PCLO: variants seen among roughly 807,000 people sequenced by gnomAD.
The protein encoded by PCLO is protein piccolo.
A neutral mutation model predicts 427.5 loss-of-function variants in PCLO; 82 were observed. The observed-to-expected ratio is 0.19, with a 90% confidence interval of 0.16 to 0.23. The LOEUF is 0.23. Ranked by LOEUF, PCLO falls within the 10% of genes least tolerant of loss-of-function variation. The pLI is 1.00. For synonymous variants in PCLO, 2,357 were observed against 2,155.4 expected (o/e 1.09, Z -2.59); for missense variants, 6,239 against 6,115.9 (o/e 1.02, Z -0.67).
At chr7:83,143,358 A>G (rs1186992842) in intron 2 of PCLO, among the ~76,000 whole-genome samples, 1 of 152,190 alleles carries the variant, frequency 6.6e-6, no homozygotes, top group Non-Finnish European at 1.5e-5. Context: ...AAAACTAGAC[A>G]CTAGCATTCC....
chr7:82,812,299 T>C (rs1023171566), intron 20 of PCLO, among the ~76,000 whole-genome samples: 7 of 151,538 alleles, frequency 4.6e-5, no homozygotes, highest in Non-Finnish European at 7.4e-5. Flanking sequence ...ATGTAACAAA[T>C]GAAAATGAAG....
At chr7:82,860,890 T>C (rs989953775) in intron 10 of PCLO, among the ~76,000 whole-genome samples, 3 of 152,026 alleles carry the variant, frequency 2.0e-5, no homozygotes, top group African/African-American at 4.8e-5. Context: ...TAAGTTATTA[T>C]CAGGTTAAAA....
At chr7:82,995,039 A>AGTG (rs1796464807) in intron 3 of PCLO, among the ~76,000 whole-genome samples, 1 of 152,028 alleles carries the variant, frequency 6.6e-6, no homozygotes, top group African/African-American at 2.4e-5. Context: ...TAGGCTATGA[A>AGTG]GTGATGATGC....
intron 3 of PCLO, among the ~76,000 whole-genome samples, chr7:83,048,356 G>A (rs776693689): frequency 6.6e-6 from 1 of 151,942 alleles, no homozygotes; most frequent in African/African-American, 2.4e-5. Flanking sequence ...ACAGTACTTT[G>A]AAGGCCAGAT....
intron 3 of PCLO, among the ~76,000 whole-genome samples, chr7:82,994,634 T>C (rs1562905577): frequency 6.6e-6 from 1 of 151,798 alleles, no homozygotes; most frequent in African/African-American, 2.4e-5. Flanking sequence ...TATATATTTA[T>C]GGGGTATATG....
intron 3 of PCLO, among the ~76,000 whole-genome samples, chr7:83,055,050 C>T (rs978073345): frequency 4.6e-5 from 7 of 152,036 alleles, no homozygotes; most frequent in Admixed American, 3.9e-4. Flanking sequence ...CAGAAAATCT[C>T]CTGAAGGATT....
At chr7:83,029,079 A>G (rs1257041717) in intron 3 of PCLO, among the ~76,000 whole-genome samples, 2 of 152,108 alleles carry the variant, frequency 1.3e-5, no homozygotes, top group Non-Finnish European at 2.9e-5. Flanking sequence ...CACCAAAAGC[A>G]ACAGCAACAG....
intron 4 of PCLO, among the ~76,000 whole-genome samples, chr7:82,959,931 C>T (rs188539295): frequency 3.3e-5 from 5 of 152,264 alleles, no homozygotes; most frequent in African/African-American, 7.2e-5. Flanking sequence ...GAGGCAGTGA[C>T]GATCGGAGCC....
At chr7:83,082,178 C>T (rs939229988) in intron 3 of PCLO, among the ~76,000 whole-genome samples, 5 of 150,946 alleles carry the variant, frequency 3.3e-5, no homozygotes, top group South Asian at 2.1e-4. Flanking sequence ...ATTTTTCATA[C>T]GGGGAATGAT....
At position 83,135,190 on chromosome 7, in the gene PCLO, G is replaced by A; in HGVS notation, c.2360C>T (p.Ala787Val). ...DIPSSKVQSQ[A>V]EEKTTPPLKT... ...TAGAGGAGGGGTTGTTTTCTCTTCA[G>A]CTTGTGACTGTACTTTGGAGCTTGG... is the stretch of plus-strand genomic sequence containing the variant. Residue 787 changes from alanine to valine, a missense_variant, in exon 3 of 25, where the codon GCT (alanine) becomes GTT (valine). By Grantham distance (64) the Ala-to-Val change is moderately conservative. This residue lies in a region of PCLO where 4,677 missense variants were observed against 4,468.4 expected (regional missense o/e 1.05). Coordinates refer to ENST00000333891, the MANE Select transcript of PCLO (RefSeq NM_033026.6). 2 of 1,613,880 alleles carry A rather than the reference G, an allele frequency of 1.2e-6. No homozygotes were observed. Among genetic ancestry groups the A allele is most frequent in the Non-Finnish European group, 1.7e-6 (2 of 1,179,852 alleles).
intron 4 of PCLO, among the ~76,000 whole-genome samples, chr7:82,958,816 G>A (rs188010301): frequency 1.4e-4 from 21 of 152,284 alleles, no homozygotes; most frequent in Middle Eastern, 6.8e-3. Flanking sequence ...TTTCTGGATG[G>A]TTATAGTGGA....
chr7:82,866,739 C>A (rs942290482), intron 10 of PCLO, among the ~76,000 whole-genome samples: 1 of 151,684 alleles, frequency 6.6e-6, no homozygotes, highest in African/African-American at 2.4e-5. Context: ...TAAAAACCTG[C>A]ATTCTTGTAG....
intron 20 of PCLO, chr7:82,821,020 A>G: frequency 8.3e-7 from 1 of 1,208,546 alleles, no homozygotes; most frequent in East Asian, 3.3e-5. Flanking sequence ...GGATAAACAT[A>G]TTTTATCAGA....
At chr7:82,924,152 C>T (rs1490861054) in intron 6 of PCLO, among the ~76,000 whole-genome samples, 3 of 151,982 alleles carry the variant, frequency 2.0e-5, no homozygotes, top group Non-Finnish European at 4.4e-5. Context: ...TGCGAAAAGG[C>T]TGACTTCCTA....
intron 10 of PCLO, among the ~76,000 whole-genome samples, chr7:82,871,548 G>A (rs1404266456): frequency 6.6e-6 from 1 of 151,856 alleles, no homozygotes; most frequent in Non-Finnish European, 1.5e-5. Flanking sequence ...CACAAAGGGT[G>A]ACTATAGTTA....
At position 82,952,908 on chromosome 7, in the gene PCLO, G is replaced by A; in HGVS notation, c.8045C>T (p.Thr2682Ile). 1 of 1,613,902 alleles carries A rather than the reference G, an allele frequency of 6.2e-7. No individual in the cohort carries two copies. Among genetic ancestry groups the A allele is most frequent in the South Asian group, 1.1e-5 (1 of 91,080 alleles). Reference sequence around the variant, plus strand: ...ACCAACACTAGGAGCTGTACTTCTGGTTGCTGAAACCTCAGTCTTGGAAAC... The same window carrying A: ...ACCAACACTAGGAGCTGTACTTCTGATTGCTGAAACCTCAGTCTTGGAAAC... Reference protein sequence around the residue: ...TEVSKTEVSATRSTAPSVGLS... With the variant: ...TEVSKTEVSAIRSTAPSVGLS... The change falls in exon 5 of 25, where the codon ACC becomes ATC. Residue 2682 changes from threonine (T) to isoleucine (I), a missense_variant. By Grantham distance (89) the Thr-to-Ile change is moderately conservative. Transcript: ENST00000333891.
chr7:83,115,545 ATCTCT>A (rs1791110322), intron 3 of PCLO, among the ~76,000 whole-genome samples: 1 of 152,090 alleles, frequency 6.6e-6, no homozygotes, highest in Non-Finnish European at 1.5e-5. Flanking sequence ...TTAAACGAAC[ATCTCT>A]TCTTTCTGTA....
chr7:82,810,146 T>C (rs1348587310), intron 20 of PCLO, among the ~76,000 whole-genome samples: 1 of 44,708 alleles, frequency 2.2e-5, no homozygotes, highest in Non-Finnish European at 5.7e-5. Context: ...TATATCTCTA[T>C]TTTTTATGTT....
At chr7:82,884,647 T>C (rs779270152) in intron 9 of PCLO, among the ~76,000 whole-genome samples, 3 of 152,168 alleles carry the variant, frequency 2.0e-5, no homozygotes, top group African/African-American at 4.8e-5. Context: ...GGAAATTTAT[T>C]TCATTTAGCA....
Sources: allele counts gnomAD v4.1 joint callset (sites outside exome capture counted in the v4.1 genomes callset), GRCh38; gene constraint gnomAD v4.1.1; regional missense constraint gnomAD v4.1.1; transcripts MANE v1.5; gene names NCBI Gene and HGNC (gene_info 2026-07-23, HGNC 2026-07-21).